Variants in AFAP1L2 observed in about 807,000 individuals in gnomAD.
AFAP1L2 encodes the protein actin filament associated protein 1 like 2, also known as actin filament-associated protein 1-like 2.
In AFAP1L2, 46 loss-of-function variants were observed where a neutral mutation model predicts 99.3. The observed-to-expected ratio is 0.46, with a 90% CI of 0.37 to 0.59. AFAP1L2 has a LOEUF of 0.59. Among genes scored for constraint, AFAP1L2 ranks in the 20% least tolerant of loss-of-function variants. The pLI is 0.00. For synonymous variants in AFAP1L2, 397 were observed against 419.1 expected (o/e 0.95, Z 0.64); for missense variants, 959 against 1,034.9 (o/e 0.93, Z 1.01).
intron 1 of AFAP1L2, chr10:114,393,467 G>C (rs1278286332): frequency 6.6e-6 from 1 of 152,188 alleles, no homozygotes; most frequent in Admixed American, 6.5e-5. Flanking sequence ...AGAGCACTCA[G>C]TGATCCACAC....
chr10:114,318,781 A>T (rs1164495162), intron 5 of AFAP1L2, among the ~76,000 whole-genome samples: 1 of 151,228 alleles, frequency 6.6e-6, no homozygotes, highest in Admixed American at 6.6e-5. Flanking sequence ...ATACTCCTGG[A>T]GTATCTTGGA....
intron 1 of AFAP1L2, among the ~76,000 whole-genome samples, chr10:114,393,219 G>C (rs1259240424): frequency 6.6e-6 from 1 of 152,116 alleles, no homozygotes; most frequent in Non-Finnish European, 1.5e-5. Flanking sequence ...AGGTAACTAA[G>C]TGCCCCAAAG....
At chr10:114,404,377 G>T in intron 1 of AFAP1L2, 63 bp downstream of exon 1, 1 of 1,491,254 alleles carries the variant, frequency 6.7e-7, no homozygotes, top group Non-Finnish European at 9.1e-7. Flanking sequence ...TCCTAGCCCT[G>T]CCCTCCGCGT....
At position 114,360,513 on chromosome 10, in the gene AFAP1L2, A is replaced by ATAGATAGATAGATAGATAGATAGT. The variant is rs1554937691; in HGVS notation, c.17-19783_17-19782insACTATCTATCTATCTATCTATCTA. ...GATAGATAGATAGATAGATAGTTAG[A>ATAGATAGATAGATAGATAGATAGT]TAGATAGATAGATAGATAGATAGAT... On this transcript the variant is annotated intron_variant, in intron 1 of 18. Transcript: ENST00000304129. Among the ~76,000 whole-genome samples, 545 of 79,216 alleles carry ATAGATAGATAGATAGATAGATAGT rather than the reference A, an allele frequency of 6.9e-3. 1 individual carries two copies. Among genetic ancestry groups the ATAGATAGATAGATAGATAGATAGT allele is most frequent in the South Asian group, 0.014 (31 of 2,142 alleles). The allele number at this position is 79,216 out of a possible 152,430, so 52.0% of individuals were successfully genotyped here.
rs80144790 is a variant in AFAP1L2 at position 114,320,709 on chromosome 10, T to C, written c.406+2462A>G. 7.5e-3 allele frequency among the ~76,000 whole-genome samples: 1,150 copies of C among 152,318 alleles called. 27 individuals carry two copies. Among genetic ancestry groups the C allele is most frequent in the East Asian group, 0.075 (387 of 5,164 alleles). Reference sequence around the variant, plus strand: ...GTTGAGAGACAAAACCAAGAAGCGCTGGCCTTTCTGACCACTTGTTTGTGT... The same window carrying C: ...GTTGAGAGACAAAACCAAGAAGCGCCGGCCTTTCTGACCACTTGTTTGTGT... On this transcript the variant is annotated intron_variant, in intron 5 of 18. Transcript: ENST00000304129.
At position 114,300,439 on chromosome 10, in the gene AFAP1L2, C is replaced by T; in HGVS notation, c.1788+6G>A. On this transcript the variant is annotated splice_donor_region_variant and intron_variant, in intron 14 of 18. Transcript: ENST00000304129. ...GGTCTTGCTGTCCTGCAGGGGAGGC[C>T]TGTACCTGTTCTCCCAGGTTCTCTG... The T allele has an allele frequency of 6.2e-7, 1 of 1,613,556 alleles. No individual in the cohort carries two copies. The highest frequency in any genetic ancestry group is 8.5e-7 in the Non-Finnish European group (1 of 1,179,504).
the AFAP1L2 span, chr10:114,289,675 G>C: frequency 1.6e-6 from 1 of 641,642 alleles, no homozygotes; most frequent in African/African-American, 1.8e-5. Flanking sequence ...CATCCTATTT[G>C]ACATTTAAGG....
At chr10:114,388,227 C>T (rs2056745080) in intron 1 of AFAP1L2, among the ~76,000 whole-genome samples, 1 of 152,080 alleles carries the variant, frequency 6.6e-6, no homozygotes, top group South Asian at 2.1e-4. Context: ...CCATCCTGCT[C>T]TCCCATTTCA....
intron 2 of AFAP1L2, among the ~76,000 whole-genome samples, chr10:114,335,973 C>A (rs559877829): frequency 1.0e-4 from 15 of 150,082 alleles, no homozygotes; most frequent in African/African-American, 3.2e-4. Flanking sequence ...TTTTTTATAT[C>A]ATTAACTAAG....
intron 1 of AFAP1L2, among the ~76,000 whole-genome samples, chr10:114,349,495 A>G (rs2050130269): frequency 6.9e-6 from 1 of 145,146 alleles, no homozygotes; most frequent in African/African-American, 2.5e-5. Flanking sequence ...AGGTGGGAGG[A>G]TTGCTTGAGC....
intron 5 of AFAP1L2, 64 bp from the exon 6 acceptor site, chr10:114,315,829 C>T (rs899725601): frequency 4.7e-6 from 7 of 1,491,158 alleles, no homozygotes; most frequent in Non-Finnish European, 6.4e-6. Context: ...AGCAGCATCG[C>T]TGGGGAGGGC....
intron 5 of AFAP1L2, among the ~76,000 whole-genome samples, chr10:114,321,533 C>T (rs2045319099): frequency 6.6e-6 from 1 of 152,236 alleles, no homozygotes; most frequent in African/African-American, 2.4e-5. Context: ...GGTTCCATCT[C>T]ATTCCTGGTC....
chr10:114,319,336 T>G (rs2044701102), intron 5 of AFAP1L2, among the ~76,000 whole-genome samples: 1 of 135,896 alleles, frequency 7.4e-6, no homozygotes, highest in South Asian at 2.6e-4. Flanking sequence ...CCATGCACAC[T>G]GTGGGTCTTT....
At chr10:114,293,305 C>G (rs1281868754), downstream of AFAP1L2, among the ~76,000 whole-genome samples, 1 of 152,182 alleles carries the variant, frequency 6.6e-6, no homozygotes, top group East Asian at 1.9e-4. Context: ...TACATGAATG[C>G]ATTGTCTTTA....
In AFAP1L2 at chr10:114,360,539, A is replaced by AGACG. The variant is rs1422743551; in HGVS notation, c.17-19809_17-19808insCGTC. Reference sequence around the variant, plus strand: ...TAGATAGATAGATAGATAGATAGATAGATAGATAGATAGATAGATAGATAG... The same window carrying AGACG: ...TAGATAGATAGATAGATAGATAGATAGACGGATAGATAGATAGATAGATAGATAG... On this transcript the variant is annotated intron_variant, in intron 1 of 18. Transcript: ENST00000304129. 3.9e-4 allele frequency among the ~76,000 whole-genome samples: 57 copies of AGACG among 147,940 alleles called. 1 individual carries two copies. Among genetic ancestry groups the AGACG allele is most frequent in the African/African-American group, 1.4e-3 (53 of 37,648 alleles).
chr10:114,306,258 GCT>G (rs1172569741), intron 10 of AFAP1L2, among the ~76,000 whole-genome samples: 1 of 135,210 alleles, frequency 7.4e-6, no homozygotes, highest in Non-Finnish European at 1.6e-5. Context: ...ACTGGTCGGG[GCT>G]GCAGGAGGGG....
chr10:114,325,747 G>T, intron 4 of AFAP1L2: 2 of 860,100 alleles, frequency 2.3e-6, no homozygotes, highest in Non-Finnish European at 3.1e-6. Context: ...CCTGGTACAA[G>T]ATCTTTGCTC....
At chr10:114,326,940 TG>T (rs1171054987) in intron 4 of AFAP1L2, among the ~76,000 whole-genome samples, 1 of 150,944 alleles carries the variant, frequency 6.6e-6, no homozygotes, top group Non-Finnish European at 1.5e-5. Flanking sequence ...TAGTGTACTC[TG>T]GGGGTGGGTA....
chr10:114,289,557 C>T, the AFAP1L2 span: 1 of 1,560,226 alleles, frequency 6.4e-7, no homozygotes, highest in Admixed American at 1.7e-5. Flanking sequence ...CCTTCACATA[C>T]ATCATGACGA....
Sources: allele counts gnomAD v4.1 joint callset (sites outside exome capture counted in the v4.1 genomes callset), GRCh38; gene constraint gnomAD v4.1.1; transcripts MANE v1.5; gene names NCBI Gene and HGNC (gene_info 2026-07-23, HGNC 2026-07-21).